Variants in KLF13 observed in about 807,000 individuals in gnomAD.
The protein encoded by KLF13 is KLF transcription factor 13, also known as Krueppel-like factor 13.
In KLF13, 8 loss-of-function variants were observed where a neutral mutation model predicts 16.7. The observed-to-expected ratio is 0.48, with a 90% confidence interval of 0.28 to 0.87. The LOEUF (loss-of-function observed/expected upper bound fraction) is 0.87, where lower values mean the gene tolerates loss of function less well. Ranked by LOEUF, KLF13 falls within the 40% of genes least tolerant of loss-of-function variation. The pLI is 0.10. For missense variants in KLF13, 447 were observed against 452.2 expected, an observed-to-expected ratio of 0.99 and a Z score of 0.10; for synonymous variants, 245 against 208.4, an observed-to-expected ratio of 1.18 and a Z score of -1.51.
intron 1 of KLF13, among the ~76,000 whole-genome samples, chr15:31,432,363 TTCTTTC>T (rs1449554702): frequency 6.6e-6 from 1 of 151,870 alleles, no homozygotes; most frequent in East Asian, 1.9e-4. Flanking sequence ...CCTGGTCATT[TTCTTTC>T]TCTGTCTCCT....
chr15:31,338,994 C>T (rs2038979524), intron 1 of KLF13, among the ~76,000 whole-genome samples: 1 of 152,128 alleles, frequency 6.6e-6, no homozygotes, highest in Non-Finnish European at 1.5e-5. Flanking sequence ...TGTAGCTGCT[C>T]ATCCTGGGAG....
chr15:31,372,129 G>A lies in KLF13; in HGVS notation c.697G>A (p.Glu233Lys), dbSNP rs1260331725. Residue 233 changes from glutamate to lysine, a missense_variant, in exon 2 of 2, where the codon GAG (glutamate) becomes AAG (lysine). Physicochemically the swap from Glu to Lys is moderately conservative, Grantham distance 56 (BLOSUM62 1). Around this residue, in one of 2 missense-constraint regions of KLF13, gnomAD observed 88 missense variants for 169.5 expected, o/e 0.52. Coordinates refer to ENST00000307145, the MANE Select transcript of KLF13 (RefSeq NM_015995.4). ...GAAGAAGTTCAGCTGCCCCATCTGCGAGAAGCGCTTCATGCGCAGCGACCA... is the reference window on the plus strand; with the variant it reads ...GAAGAAGTTCAGCTGCCCCATCTGCAAGAAGCGCTTCATGCGCAGCGACCA... ...GEKKFSCPICEKRFMRSDHLT... is the reference protein window; with the variant it reads ...GEKKFSCPICKKRFMRSDHLT... The A allele has an allele frequency of 1.9e-6, 3 of 1,613,094 alleles. No individual in the cohort carries two copies. Among genetic ancestry groups the A allele is most frequent in the South Asian group, 2.2e-5 (2 of 91,080 alleles).
At chr15:31,414,031 A>C (rs2040227973) in intron 1 of KLF13, among the ~76,000 whole-genome samples, 1 of 152,202 alleles carries the variant, frequency 6.6e-6, no homozygotes, top group Non-Finnish European at 1.5e-5. Context: ...TGTATCATTG[A>C]GTTTGTAAAA....
At chr15:31,359,922 C>G (rs969232518) in intron 1 of KLF13, among the ~76,000 whole-genome samples, 6 of 152,296 alleles carry the variant, frequency 3.9e-5, no homozygotes, top group Admixed American at 6.5e-5. Context: ...CCCTCCACCC[C>G]GCATGTTGTG....
intron 1 of KLF13, among the ~76,000 whole-genome samples, chr15:31,331,064 A>G (rs1398583624): frequency 6.6e-6 from 1 of 152,230 alleles, no homozygotes; most frequent in Non-Finnish European, 1.5e-5. Context: ...CCCCAGCAGA[A>G]TGGCCACTTG....
intron 1 of KLF13, among the ~76,000 whole-genome samples, chr15:31,433,859 C>T (rs113030142): frequency 3.9e-4 from 60 of 152,330 alleles, no homozygotes; most frequent in African/African-American, 1.4e-3. Flanking sequence ...GCCCCACAGC[C>T]GCTCTTGCCC....
intron 2 of KLF13, among the ~76,000 whole-genome samples, chr15:31,397,321 C>G (rs896374419): frequency 1.3e-5 from 2 of 152,186 alleles, no homozygotes; most frequent in Non-Finnish European, 2.9e-5. Flanking sequence ...AGGCCACGCC[C>G]AGCGCCAGCA....
At chr15:31,334,990 A>G (rs2038903185) in intron 1 of KLF13, among the ~76,000 whole-genome samples, 1 of 152,222 alleles carries the variant, frequency 6.6e-6, no homozygotes, top group African/African-American at 2.4e-5. Context: ...GGCACTGGGC[A>G]CAGAAGAAAT....
chr15:31,420,182 A>G, intron 1 of KLF13: 1 of 561,702 alleles, frequency 1.8e-6, no homozygotes, highest in Non-Finnish European at 3.4e-6. Flanking sequence ...CACCCATAAA[A>G]GAGCCGAGCT....
chr15:31,375,495 T>G lies in KLF13; in HGVS notation c.*3196T>G, dbSNP rs1489292259. On this transcript the variant is annotated 3_prime_UTR_variant, in exon 2 of 2. Coordinates refer to ENST00000307145, the MANE Select transcript of KLF13 (RefSeq NM_015995.4). ...AATAGTGAAAACTCAAACCCTTATT[T>G]TGGGACTTCAGTTCTCGTGGTCCAT... The G allele has an allele frequency of 6.6e-6, 1 of 151,610 alleles. No homozygotes were observed. The highest frequency in any genetic ancestry group is 1.5e-5 in the Non-Finnish European group (1 of 68,018). The allele number at this position is 151,610 out of a possible 1,614,324, so 9.4% of individuals were successfully genotyped here.
intron 1 of KLF13, among the ~76,000 whole-genome samples, chr15:31,368,382 T>C (rs564490104): frequency 6.6e-6 from 1 of 152,342 alleles, no homozygotes; most frequent in African/African-American, 2.4e-5. Flanking sequence ...AGTGGAATTA[T>C]CATGCAACAT....
rs1466465058 is a variant in KLF13, at chr15:31,372,156, C to T, written c.724C>T (p.Leu242=). The change falls in exon 2 of 2, where the codon CTG becomes TTG. Residue 242 remains leucine, a synonymous_variant. Coordinates refer to ENST00000307145, the MANE Select transcript of KLF13 (RefSeq NM_015995.4). ...GAAGCGCTTCATGCGCAGCGACCAC[C>T]TGACCAAGCACGCGCGCCGCCACGC... ...CEKRFMRSDH[L]TKHARRHANF... is the part of the protein sequence containing the mutation. The T allele has an allele frequency of 6.2e-7, 1 of 1,612,900 alleles. No homozygotes were observed. The highest frequency in any genetic ancestry group is 8.5e-7 in the Non-Finnish European group (1 of 1,179,932).
chr15:31,402,801 G>A (rs180828966), intron 2 of KLF13, among the ~76,000 whole-genome samples: 57 of 152,180 alleles, frequency 3.7e-4, no homozygotes, highest in Admixed American at 3.7e-3. Flanking sequence ...TGTGTAGGCT[G>A]TTCTGGCTCA....
chr15:31,343,222 C>T (rs1173116317), intron 1 of KLF13, among the ~76,000 whole-genome samples: 5 of 152,318 alleles, frequency 3.3e-5, no homozygotes, highest in East Asian at 3.9e-4. Flanking sequence ...CAGGGCCCGC[C>T]GGCTCAGGTG....
chr15:31,405,461 C>T (rs1479580021), downstream of KLF13, among the ~76,000 whole-genome samples: 1 of 152,250 alleles, frequency 6.6e-6, no homozygotes, highest in East Asian at 1.9e-4. Context: ...TAATTTTAGA[C>T]TTTCCAGTTT....
At position 31,327,334 on chromosome 15, in the gene KLF13, C is replaced by T. The variant is rs1368194995; in HGVS notation, c.122C>T (p.Ala41Val). The change falls in exon 1 of 2, where the codon GCC becomes GTC. Residue 41 changes from alanine (A) to valine (V), a missense_variant. Physicochemically the swap from Ala to Val is moderately conservative, Grantham distance 64. Coordinates refer to ENST00000307145, the MANE Select transcript of KLF13 (RefSeq NM_015995.4). ...PESRPEGAAV[A>V]ATPTLPRVEE... ...TCCCGGCCCGAGGGCGCGGCCGTGG[C>T]CGCCACCCCCACGCTGCCCCGCGTC... 1.6e-6 allele frequency: 2 copies of T among 1,278,580 alleles called. No homozygotes were observed. Among genetic ancestry groups the T allele is most frequent in the East Asian group, 3.3e-5 (1 of 30,404 alleles). 79.2% of individuals were successfully genotyped at this position (1,278,580 alleles called of 1,614,324 possible). A position where few individuals can be genotyped will look rare whatever the true frequency, so the allele number is the denominator to read the frequency against.
At chr15:31,345,921 G>A (rs962530983) in intron 1 of KLF13, among the ~76,000 whole-genome samples, 13 of 152,116 alleles carry the variant, frequency 8.5e-5, no homozygotes, top group Non-Finnish European at 1.3e-4. Context: ...TCTGTTTCCC[G>A]GAGGGTTCCG....
intron 1 of KLF13, among the ~76,000 whole-genome samples, chr15:31,337,317 G>T (rs1018812582): frequency 6.6e-6 from 1 of 152,252 alleles, no homozygotes; most frequent in African/African-American, 2.4e-5. Context: ...CTTCTAGCAC[G>T]GATGGTGTGG....
At position 31,377,239 on chromosome 15, in the gene KLF13, C is replaced by T. The variant is rs2039662711; in HGVS notation, c.*4940C>T. 1 of 152,622 alleles carries T rather than the reference C, an allele frequency of 6.6e-6. No individual in the cohort carries two copies. Among genetic ancestry groups the T allele is most frequent in the Non-Finnish European group, 1.5e-5 (1 of 68,084 alleles). 9.5% of individuals were successfully genotyped at this position (152,622 alleles called of 1,614,324 possible). On this transcript the variant is annotated 3_prime_UTR_variant, in exon 2 of 2. Transcript: ENST00000307145. ...CACCACGTGGGCTCATTAGCCCCAG[C>T]GTCTGTGCCGGCTCCAGGTGCCTGC...
Sources: allele counts gnomAD v4.1 joint callset (sites outside exome capture counted in the v4.1 genomes callset), GRCh38; gene constraint gnomAD v4.1.1; regional missense constraint gnomAD v4.1.1; transcripts MANE v1.5; gene names NCBI Gene and HGNC (gene_info 2026-07-23, HGNC 2026-07-21).